The following DPP10 variants were observed in gnomAD, a reference collection of about 807,000 sequenced individuals.
DPP10 encodes the protein inactive dipeptidyl peptidase 10.
A neutral mutation model predicts 120.9 loss-of-function variants in DPP10; 33 were observed. That is an observed-to-expected ratio of 0.27 (90% CI 0.21 to 0.37). The LOEUF (loss-of-function observed/expected upper bound fraction) is 0.37. Among genes scored for constraint, DPP10 ranks in the 10% least tolerant of loss-of-function variants. The pLI is 1.00. For missense variants in DPP10, 816 were observed against 942.8 expected (o/e 0.87, Z 1.76); for synonymous variants, 337 against 326.1 (o/e 1.03, Z -0.36).
intron 5 of DPP10, among the ~76,000 whole-genome samples, chr2:115,684,090 A>G (rs1435908768): frequency 3.9e-5 from 6 of 151,962 alleles, no homozygotes; most frequent in Non-Finnish European, 7.4e-5. Context: ...GTGAACATTA[A>G]GTAAGAAATA....
intron 1 of DPP10, among the ~76,000 whole-genome samples, chr2:115,088,024 C>A (rs2104538085): frequency 6.6e-6 from 1 of 152,242 alleles, no homozygotes. Context: ...GATGAAGGCT[C>A]CAGAAAATTC....
At chr2:115,482,554 T>A (rs2075505872) in intron 3 of DPP10, among the ~76,000 whole-genome samples, 1 of 152,014 alleles carries the variant, frequency 6.6e-6, no homozygotes, top group African/African-American at 2.4e-5. Context: ...CCCCAGTCTC[T>A]AGCAATCACT....
intron 7 of DPP10, among the ~76,000 whole-genome samples, chr2:115,699,463 GTGT>G (rs2091785750): frequency 6.6e-6 from 1 of 152,122 alleles, no homozygotes; most frequent in African/African-American, 2.4e-5. Context: ...TTAGCTGGAT[GTGT>G]TGGCAGGCAC....
At chr2:115,820,799 A>ATG (rs869085100) in intron 21 of DPP10, among the ~76,000 whole-genome samples, 2,071 of 105,482 alleles carry the variant, frequency 0.02, 25 homozygotes, top group South Asian at 0.056. Context: ...TCCATGGTGT[A>ATG]TGTGTGTGTG....
chr2:115,209,178 A>T (rs1339839591), intron 1 of DPP10, among the ~76,000 whole-genome samples: 2 of 151,960 alleles, frequency 1.3e-5, no homozygotes, highest in East Asian at 3.9e-4. Flanking sequence ...TAATCAAGTT[A>T]AAAAAAAGTC....
At chr2:115,068,338 T>A (rs1707094736) in intron 1 of DPP10, among the ~76,000 whole-genome samples, 1 of 152,160 alleles carries the variant, frequency 6.6e-6, no homozygotes, top group Non-Finnish European at 1.5e-5. Context: ...AGCTTTTTTT[T>A]TTTCATGTAC....
chr2:114,552,216 G>A (rs1687939929), intron 1 of DPP10, among the ~76,000 whole-genome samples: 1 of 152,220 alleles, frequency 6.6e-6, no homozygotes, highest in South Asian at 2.1e-4. Flanking sequence ...GTAGGGCAGC[G>A]ATGCGTAGCT....
chr2:115,678,311 G>A (rs1016242628), intron 5 of DPP10, among the ~76,000 whole-genome samples: 35 of 152,310 alleles, frequency 2.3e-4, no homozygotes, highest in East Asian at 9.7e-4. Context: ...GGCCAGGCCC[G>A]GGGCCCCCCT....
chr2:115,412,035 A>G (rs2068991302), intron 3 of DPP10, among the ~76,000 whole-genome samples: 1 of 152,344 alleles, frequency 6.6e-6, no homozygotes, highest in East Asian at 1.9e-4. Context: ...ATTTACAGGA[A>G]CAACTACTGT....
At chr2:115,645,308 G>C (rs1292233552) in intron 5 of DPP10, among the ~76,000 whole-genome samples, 1 of 152,128 alleles carries the variant, frequency 6.6e-6, no homozygotes, top group African/African-American at 2.4e-5. Context: ...TTTTGATATA[G>C]AGATAGTAAT....
chr2:114,736,044 G>T (rs768530240), intron 1 of DPP10, among the ~76,000 whole-genome samples: 1 of 151,986 alleles, frequency 6.6e-6, no homozygotes, highest in Non-Finnish European at 1.5e-5. Flanking sequence ...TATACAAGTA[G>T]ATCTAGAGAA....
At chr2:115,157,390 G>T (rs1180510097) in intron 1 of DPP10, among the ~76,000 whole-genome samples, 1 of 152,050 alleles carries the variant, frequency 6.6e-6, no homozygotes, top group East Asian at 1.9e-4. Flanking sequence ...TCATAATTGG[G>T]CTATGAATTT....
intron 1 of DPP10, among the ~76,000 whole-genome samples, chr2:114,843,613 A>G (rs1412234942): frequency 3.3e-5 from 5 of 152,078 alleles, no homozygotes. Context: ...CCTTTTTAAC[A>G]TCTTAAAAGC....
At chr2:115,322,797 C>T (rs13384451) in intron 2 of DPP10, among the ~76,000 whole-genome samples, 272 of 152,060 alleles carry the variant, frequency 1.8e-3, no homozygotes, top group African/African-American at 6.0e-3. Context: ...TTATGTTTAT[C>T]GTATTTGTAG....
At chr2:115,472,829 C>T (rs1449392928) in intron 3 of DPP10, among the ~76,000 whole-genome samples, 5 of 152,148 alleles carry the variant, frequency 3.3e-5, no homozygotes, top group African/African-American at 1.2e-4. Context: ...TTTTTGGATA[C>T]TCTTTTTAGC....
rs1434049675 is a variant in DPP10 at position 115,791,092 on chromosome 2, T to C, written c.1543T>C (p.Leu515=). 6.2e-7 allele frequency: 1 copy of C among 1,611,832 alleles called. No individual in the cohort carries two copies. Among genetic ancestry groups the C allele is most frequent in the South Asian group, 1.1e-5 (1 of 90,686 alleles). The part of the protein sequence containing the change: ...STDNPAKYFI[L]ESNSMLKEAI... Reference sequence around the variant, plus strand: ...TTTTTGGTTTACAGAATATTTTATATTGGAAAGCAATTCTATGCTGAAGGA... The same window carrying C: ...TTTTTGGTTTACAGAATATTTTATACTGGAAAGCAATTCTATGCTGAAGGA... The change falls in exon 18 of 26, where the codon TTG becomes CTG. Residue 515 remains leucine, a synonymous_variant. Coordinates refer to ENST00000410059, the MANE Select transcript of DPP10 (RefSeq NM_020868.6).
At chr2:115,421,395 GT>G (rs2069941442) in intron 3 of DPP10, among the ~76,000 whole-genome samples, 2 of 152,090 alleles carry the variant, frequency 1.3e-5, no homozygotes, top group African/African-American at 2.4e-5. Context: ...TTCTAACCAT[GT>G]TCTTACTGCT....
intron 1 of DPP10, among the ~76,000 whole-genome samples, chr2:114,596,167 T>C (rs1012959728): frequency 2.6e-5 from 4 of 151,972 alleles, no homozygotes; most frequent in African/African-American, 9.7e-5. Context: ...TTTTTAGCTC[T>C]TGCTTTCTCC....
intron 3 of DPP10, among the ~76,000 whole-genome samples, chr2:115,490,410 C>A (rs2076041234): frequency 7.3e-6 from 1 of 137,696 alleles, no homozygotes. Context: ...TCAGTTACCT[C>A]CTACCGGGTC....
Sources: allele counts gnomAD v4.1 joint callset (sites outside exome capture counted in the v4.1 genomes callset), GRCh38; gene constraint gnomAD v4.1.1; transcripts MANE v1.5; gene names NCBI Gene and HGNC (gene_info 2026-07-23, HGNC 2026-07-21).